DSCAM: variants seen among roughly 807,000 people sequenced by gnomAD.
DSCAM encodes the protein DS cell adhesion molecule.
In DSCAM, 47 loss-of-function variants were observed where a neutral mutation model predicts 217.7. The ratio of observed to expected loss-of-function variants is 0.22; its 90% CI spans 0.17 to 0.28. The LOEUF (loss-of-function observed/expected upper bound fraction) is 0.28, where lower values mean the gene tolerates loss of function less well. Among genes scored for constraint, DSCAM ranks in the 10% least tolerant of loss-of-function variants. The pLI, the probability that DSCAM is intolerant of heterozygous loss-of-function variation, is 1.00. For synonymous variants in DSCAM, 1,056 were observed against 1,015.3 expected, an observed-to-expected ratio of 1.04 and a Z score of -0.76; for missense variants, 2,080 against 2,618.3, an observed-to-expected ratio of 0.79 and a Z score of 4.49.
At position 40,327,353 on chromosome 21, in the gene DSCAM, A is replaced by T. The variant is rs184248873; in HGVS notation, c.1783+10748T>A. Among the ~76,000 whole-genome samples the T allele has an allele frequency of 1.5e-3, 232 of 152,302 alleles. 2 individuals carry two copies. The highest frequency in any genetic ancestry group is 4.5e-3 in the African/African-American group (189 of 41,576). Reference sequence around the variant, plus strand: ...ATTATAAAACATAATTTATCTTGCAATTTTAACTAAATAAAAGAATTGTAT... The same window carrying T: ...ATTATAAAACATAATTTATCTTGCATTTTTAACTAAATAAAAGAATTGTAT... On this transcript the variant is annotated intron_variant, in intron 8 of 32. Transcript: ENST00000400454.
At chr21:40,200,016 C>CTTTTTTTTT (rs369465225) in intron 11 of DSCAM, among the ~76,000 whole-genome samples, 1 of 135,206 alleles carries the variant, frequency 7.4e-6, no homozygotes, top group African/African-American at 2.8e-5. Flanking sequence ...CCTCAGGATT[C>CTTTTTTTTT]TTTTTTTTTT....
intron 1 of DSCAM, among the ~76,000 whole-genome samples, chr21:40,782,657 G>A (rs7277165): frequency 0.25 from 38,684 of 152,050 alleles, 5,874 homozygotes; most frequent in Non-Finnish European, 0.33. Context: ...TTGAGTACAG[G>A]AGGTTGAGGT....
At chr21:40,715,725 C>A (rs1181955868) in intron 1 of DSCAM, among the ~76,000 whole-genome samples, 2 of 152,178 alleles carry the variant, frequency 1.3e-5, no homozygotes, top group Non-Finnish European at 2.9e-5. Context: ...AAGAAACTGA[C>A]ATTACCCCAA....
At chr21:40,590,814 C>T (rs2076978671) in intron 3 of DSCAM, among the ~76,000 whole-genome samples, 1 of 152,096 alleles carries the variant, frequency 6.6e-6, no homozygotes, top group Non-Finnish European at 1.5e-5. Context: ...CTGTCTAAAC[C>T]ATCTGGTTAT....
intron 3 of DSCAM, among the ~76,000 whole-genome samples, chr21:40,450,424 AC>A (rs1230657903): frequency 6.6e-6 from 1 of 152,190 alleles, no homozygotes; most frequent in Non-Finnish European, 1.5e-5. Flanking sequence ...ATTCACAACT[AC>A]ATGAAACTCA....
chr21:40,659,761 C>G (rs1226136397), intron 3 of DSCAM, among the ~76,000 whole-genome samples: 1 of 152,200 alleles, frequency 6.6e-6, no homozygotes, highest in Non-Finnish European at 1.5e-5. Context: ...GGGGCAGCAT[C>G]ATGTTCCTCA....
rs1344488173 is a variant in DSCAM, at chr21:40,397,750, CA to C, written c.509-28506del. The stretch of plus-strand genomic sequence containing the variant: ...GCGGTACTACTACTACCACTATTAC[CA>C]CTACTGCTACTATCACTAATACTAC... On this transcript the variant is annotated intron_variant, in intron 3 of 32. Coordinates refer to ENST00000400454, the MANE Select transcript of DSCAM (RefSeq NM_001389.5). Among the ~76,000 whole-genome samples the C allele has an allele frequency of 2.0e-5, 3 of 151,844 alleles. No individual in the cohort carries two copies. The East Asian group carries it at 5.8e-4, about 29-fold the overall frequency.
At chr21:40,181,591 C>T (rs990024617) in intron 14 of DSCAM, among the ~76,000 whole-genome samples, 1 of 151,932 alleles carries the variant, frequency 6.6e-6, no homozygotes, top group Non-Finnish European at 1.5e-5. Flanking sequence ...TGTGTTATCT[C>T]CAAGTTCAAG....
At chr21:40,637,606 A>AATATATATCT (rs1555874999) in intron 3 of DSCAM, among the ~76,000 whole-genome samples, 3,564 of 35,998 alleles carry the variant, frequency 0.099, 184 homozygotes, top group South Asian at 0.14. Context: ...TATATATATA[A>AATATATATCT]ATATATATAA....
intron 11 of DSCAM, among the ~76,000 whole-genome samples, chr21:40,204,756 T>C (rs1238055730): frequency 6.6e-6 from 1 of 152,226 alleles, no homozygotes; most frequent in Non-Finnish European, 1.5e-5. Context: ...GTAGTATTAA[T>C]GATACAAAGA....
At chr21:40,829,895 A>G (rs900356410) in intron 1 of DSCAM, among the ~76,000 whole-genome samples, 2 of 152,314 alleles carry the variant, frequency 1.3e-5, no homozygotes, top group Non-Finnish European at 2.9e-5. Flanking sequence ...GGATGAAAAC[A>G]AACCAACCCT....
At chr21:40,113,595 T>G (rs2089928432) in intron 20 of DSCAM, among the ~76,000 whole-genome samples, 1 of 152,094 alleles carries the variant, frequency 6.6e-6, no homozygotes, top group Admixed American at 6.6e-5. Context: ...TAAAGGGTAT[T>G]CAAGTAGGAA....
In DSCAM at chr21:40,354,684, C is replaced by T. The variant is rs550652917; in HGVS notation, c.656-941G>A. On this transcript the variant is annotated intron_variant, in intron 4 of 32. Transcript: ENST00000400454. ...CTAACACGGTGAAACCCCGTCTCTA[C>T]TAAAAATACAAAAAATTAGCTGGGT... Among the ~76,000 whole-genome samples the T allele has an allele frequency of 5.3e-5, 8 of 152,012 alleles. No individual in the cohort carries two copies. In the South Asian group the frequency reaches 1.7e-3, roughly 32 times the overall value.
At position 40,313,273 on chromosome 21, in the gene DSCAM, G is replaced by A. The variant is rs73371734; in HGVS notation, c.1784-914C>T. ...CATCTCTTAGTTTTGCACACTTTAC[G>A]TGTGTAACTTTTAATTGTGAACTGG... On this transcript the variant is annotated intron_variant, in intron 8 of 32. Transcript: ENST00000400454. Among the ~76,000 whole-genome samples, 501 of 151,956 alleles carry A rather than the reference G, an allele frequency of 3.3e-3. 3 individuals are homozygous for A. Among genetic ancestry groups the A allele is most frequent in the African/African-American group, 0.011 (465 of 41,426 alleles).
chr21:40,457,866 A>G (rs1351142954), intron 3 of DSCAM, among the ~76,000 whole-genome samples: 1 of 152,230 alleles, frequency 6.6e-6, no homozygotes, highest in Non-Finnish European at 1.5e-5. Context: ...AAGGAAAGCC[A>G]TGGCCATGTT....
intron 14 of DSCAM, among the ~76,000 whole-genome samples, chr21:40,185,651 A>C (rs190302650): frequency 2.6e-5 from 4 of 152,332 alleles, no homozygotes; most frequent in Non-Finnish European, 5.9e-5. Flanking sequence ...ACTGTCACTA[A>C]GTTCCAGGAC....
chr21:40,417,421 T>C (rs1361377084), intron 3 of DSCAM, among the ~76,000 whole-genome samples: 1 of 152,186 alleles, frequency 6.6e-6, no homozygotes, highest in African/African-American at 2.4e-5. Flanking sequence ...CTTTAAATAA[T>C]CATTATAAAG....
At chr21:40,322,807 G>A (rs1214759204) in intron 8 of DSCAM, among the ~76,000 whole-genome samples, 5 of 152,204 alleles carry the variant, frequency 3.3e-5, no homozygotes, top group African/African-American at 7.2e-5. Context: ...TTACAGGCGT[G>A]AGCCACCACG....
At chr21:40,722,970 C>G (rs2090917643) in intron 1 of DSCAM, among the ~76,000 whole-genome samples, 1 of 151,796 alleles carries the variant, frequency 6.6e-6, no homozygotes, top group Non-Finnish European at 1.5e-5. Context: ...GGTGACATAA[C>G]AATCCTAAAT....
Sources: allele counts gnomAD v4.1 joint callset (sites outside exome capture counted in the v4.1 genomes callset), GRCh38; gene constraint gnomAD v4.1.1; transcripts MANE v1.5; gene names NCBI Gene and HGNC (gene_info 2026-07-23, HGNC 2026-07-21).